Variants in ZNF654 observed in about 807,000 individuals in gnomAD.
ZNF654 encodes zinc finger protein 654.
A neutral mutation model predicts 95.3 loss-of-function variants in ZNF654; 19 were observed. The observed-to-expected ratio is 0.20, with a 90% CI of 0.14 to 0.29. The LOEUF is 0.29. Ranked by LOEUF, ZNF654 falls within the 10% of genes least tolerant of loss-of-function variation. The pLI, the probability that ZNF654 is intolerant of heterozygous loss-of-function variation, is 1.00. For missense variants in ZNF654, 1,046 were observed against 1,341.0 expected, an observed-to-expected ratio of 0.78 and a Z score of 3.44; for synonymous variants, 413 against 457.9, an observed-to-expected ratio of 0.90 and a Z score of 1.25.
chr3:88,060,172 C>T lies in ZNF654; in HGVS notation c.186+667C>T, dbSNP rs553072569. ...ACGCACTCTTTTCTAATTAACTGCTCATAATGAAAGTAATTTTCCTTAAAC... is the reference window on the plus strand; with the variant it reads ...ACGCACTCTTTTCTAATTAACTGCTTATAATGAAAGTAATTTTCCTTAAAC... On this transcript the variant is annotated intron_variant, in intron 1 of 8. Transcript: ENST00000636215. 8.5e-5 allele frequency among the ~76,000 whole-genome samples: 13 copies of T among 152,162 alleles called. No individual in the cohort carries two copies. In the South Asian group the frequency reaches 2.7e-3, roughly 32 times the overall value.
intron 1 of ZNF654, among the ~76,000 whole-genome samples, chr3:88,079,339 TA>T (rs1303149509): frequency 1.3e-5 from 2 of 152,068 alleles, no homozygotes; most frequent in Admixed American, 1.3e-4. Context: ...GAGAAATAGT[TA>T]AAATGGATGA....
At chr3:88,131,736 G>C (rs1706477968) in intron 6 of ZNF654, among the ~76,000 whole-genome samples, 1 of 152,180 alleles carries the variant, frequency 6.6e-6, no homozygotes, top group African/African-American at 2.4e-5. Context: ...CGTGGGTTAT[G>C]ATGGCCTACC....
chr3:88,063,885 C>T (rs1351075110), intron 1 of ZNF654, among the ~76,000 whole-genome samples: 1 of 152,128 alleles, frequency 6.6e-6, no homozygotes, highest in Non-Finnish European at 1.5e-5. Flanking sequence ...CCAACTATCA[C>T]GTCTGACTTC....
Position 88,135,081 on chromosome 3 carries a change from G to T in ZNF654, c.914G>T (p.Ser305Ile). The T allele has an allele frequency of 6.9e-7, 1 of 1,451,056 alleles. No individual in the cohort carries two copies. Among genetic ancestry groups the T allele is most frequent in the Non-Finnish European group, 9.0e-7 (1 of 1,111,604 alleles). The allele number at this position is 1,451,056 out of a possible 1,614,324, so 89.9% of individuals were successfully genotyped here. The change falls in exon 7 of 9, where the codon AGT (serine) becomes ATT (isoleucine). Residue 305 changes from serine to isoleucine, a missense_variant. Coordinates refer to ENST00000636215, the MANE Select transcript of ZNF654 (RefSeq NM_001350134.2). ...TACAGGGAGTTGATTTTCATATGGA[G>T]TAAACTACAGCTTAAATCTAATCCT... ...YCIWELIFIW[S>I]KLQLKSNPSK...
intron 4 of ZNF654, among the ~76,000 whole-genome samples, chr3:88,127,119 A>G (rs952377884): frequency 1.4e-4 from 21 of 152,204 alleles, no homozygotes; most frequent in Non-Finnish European, 2.6e-4. Flanking sequence ...AAAACATTTA[A>G]AAGTGTGGAG....
intron 7 of ZNF654, among the ~76,000 whole-genome samples, chr3:88,135,857 GC>G (rs1337607554): frequency 1.3e-5 from 2 of 152,020 alleles, no homozygotes; most frequent in African/African-American, 4.8e-5. Flanking sequence ...ATTTTAGGTA[GC>G]ACCATTAAAC....
chr3:88,128,442 C>T (rs1193449634), intron 4 of ZNF654, among the ~76,000 whole-genome samples: 2 of 151,884 alleles, frequency 1.3e-5, no homozygotes, highest in Non-Finnish European at 1.5e-5. Flanking sequence ...AAATATTGAG[C>T]AGTAAGAAGA....
At chr3:88,098,087 GACT>G (rs1441951822) in intron 2 of ZNF654, among the ~76,000 whole-genome samples, 10 of 152,068 alleles carry the variant, frequency 6.6e-5, no homozygotes, top group African/African-American at 1.7e-4. Context: ...CTGCTAGCAA[GACT>G]AATAAAGAAG....
At chr3:88,117,228 C>T (rs899206861) in intron 3 of ZNF654, among the ~76,000 whole-genome samples, 1 of 152,126 alleles carries the variant, frequency 6.6e-6, no homozygotes, top group Non-Finnish European at 1.5e-5. Context: ...ATTTTCAACT[C>T]ATAATTACTT....
At chr3:88,095,069 A>G (rs1396453272) in intron 2 of ZNF654, among the ~76,000 whole-genome samples, 1 of 152,136 alleles carries the variant, frequency 6.6e-6, no homozygotes, top group East Asian at 1.9e-4. Flanking sequence ...AGCAAATCAT[A>G]TATTTTTAGT....
chr3:88,087,606 G>A (rs1351638999), intron 2 of ZNF654, among the ~76,000 whole-genome samples: 3 of 152,144 alleles, frequency 2.0e-5, no homozygotes, highest in Non-Finnish European at 2.9e-5. Flanking sequence ...GCAACACAGC[G>A]GAGCAAGTCA....
At chr3:88,066,158 T>C (rs773790561) in intron 1 of ZNF654, among the ~76,000 whole-genome samples, 3 of 152,250 alleles carry the variant, frequency 2.0e-5, no homozygotes, top group African/African-American at 7.2e-5. Context: ...AATAAACTTA[T>C]GAAAATCATT....
At chr3:88,115,680 T>C (rs1455245264) in intron 3 of ZNF654, among the ~76,000 whole-genome samples, 1 of 152,222 alleles carries the variant, frequency 6.6e-6, no homozygotes, top group Non-Finnish European at 1.5e-5. Context: ...CTCTCCGTTA[T>C]TTCTAGAAGA....
At chr3:88,118,353 C>T (rs891341105) in intron 3 of ZNF654, among the ~76,000 whole-genome samples, 4 of 151,920 alleles carry the variant, frequency 2.6e-5, no homozygotes, top group African/African-American at 9.7e-5. Context: ...TATCTCACTG[C>T]GTAATATACC....
intron 1 of ZNF654, among the ~76,000 whole-genome samples, chr3:88,083,191 T>C (rs1037271850): frequency 6.6e-6 from 1 of 152,170 alleles, no homozygotes; most frequent in Non-Finnish European, 1.5e-5. Flanking sequence ...ATCGGGGGGT[T>C]AGGGCTTCAA....
chr3:88,095,411 G>T (rs1003523600), intron 2 of ZNF654: 1 of 340,006 alleles, frequency 2.9e-6, no homozygotes, highest in African/African-American at 2.2e-5. Context: ...CCCCCTTTTA[G>T]CCCTTTGCTG....
At chr3:88,077,634 A>T (rs369196791) in intron 1 of ZNF654, among the ~76,000 whole-genome samples, 32 of 152,312 alleles carry the variant, frequency 2.1e-4, no homozygotes, top group East Asian at 9.7e-4. Flanking sequence ...TGCTTCTGAG[A>T]TAGGGAAACC....
chr3:88,091,204 A>G (rs558799898), intron 2 of ZNF654, among the ~76,000 whole-genome samples: 4 of 152,308 alleles, frequency 2.6e-5, no homozygotes, highest in African/African-American at 9.6e-5. Flanking sequence ...AAGCAACATA[A>G]TGACTGTACT....
chr3:88,083,255 T>G (rs1323182225), intron 1 of ZNF654, among the ~76,000 whole-genome samples: 1 of 152,202 alleles, frequency 6.6e-6, no homozygotes, highest in Non-Finnish European at 1.5e-5. Context: ...GATGATATAT[T>G]TTAGTGTTCC....
Sources: allele counts gnomAD v4.1 joint callset (sites outside exome capture counted in the v4.1 genomes callset), GRCh38; gene constraint gnomAD v4.1.1; transcripts MANE v1.5; gene names NCBI Gene and HGNC (gene_info 2026-07-23, HGNC 2026-07-21).